SLC25A25: variants seen among roughly 807,000 people sequenced by gnomAD.
The protein encoded by SLC25A25 is mitochondrial adenyl nucleotide antiporter SLC25A25.
In SLC25A25, 32 loss-of-function variants were observed where a neutral mutation model predicts 57.7. The observed-to-expected ratio is 0.55, with a 90% confidence interval of 0.42 to 0.74. The LOEUF (loss-of-function observed/expected upper bound fraction) is 0.74, where lower values mean the gene tolerates loss of function less well. Among genes scored for constraint, SLC25A25 ranks in the 30% least tolerant of loss-of-function variants. The pLI, the probability that SLC25A25 is intolerant of heterozygous loss-of-function variation, is 0.00. For missense variants in SLC25A25, 556 were observed against 701.3 expected, an observed-to-expected ratio of 0.79 and a Z score of 2.34; for synonymous variants, 306 against 291.2, an observed-to-expected ratio of 1.05 and a Z score of -0.52.
At chr9:128,091,582 C>A in intron 1 of SLC25A25, 3 of 1,084,696 alleles carry the variant, frequency 2.8e-6, no homozygotes, top group Non-Finnish European at 2.2e-6. Context: ...CAAACGTTTG[C>A]TCACCATCAC....
Position 128,101,232 on chromosome 9 carries a change from G to A in SLC25A25, c.388+10G>A. On this transcript the variant is annotated intron_variant, in intron 2 of 10. Coordinates refer to ENST00000373069, the MANE Select transcript of SLC25A25 (RefSeq NM_001330988.2). The surrounding 1 kb of genome is among the most constrained non-coding windows in gnomAD (Gnocchi z 4.9). Reference sequence around the variant, plus strand: ...GACAAAAAGAATGATGGTAAGTGTTGCCTTCAGAGCTGTGGCCGGTCCAGC... The same window carrying A: ...GACAAAAAGAATGATGGTAAGTGTTACCTTCAGAGCTGTGGCCGGTCCAGC... The A allele has an allele frequency of 6.2e-7, 1 of 1,614,278 alleles. No individual in the cohort carries two copies.
intron 1 of SLC25A25, among the ~76,000 whole-genome samples, chr9:128,074,664 G>A (rs894766495): frequency 3.3e-5 from 5 of 151,990 alleles, no homozygotes; most frequent in African/African-American, 7.2e-5. Flanking sequence ...AGCTGAGATC[G>A]TGCCAACACG....
intron 1 of SLC25A25, among the ~76,000 whole-genome samples, chr9:128,085,553 TA>T (rs778113045): frequency 4.6e-5 from 7 of 152,206 alleles, no homozygotes; most frequent in Non-Finnish European, 8.8e-5. Context: ...GGTGCTGGTC[TA>T]GGGAAGTTTA....
At chr9:128,094,002 G>A (rs775003758) in intron 1 of SLC25A25, among the ~76,000 whole-genome samples, 7 of 152,146 alleles carry the variant, frequency 4.6e-5, no homozygotes, top group Non-Finnish European at 1.0e-4. Context: ...ACAAAAATTA[G>A]CTGGGCGTGG....
chr9:128,103,562 G>T lies in SLC25A25; in HGVS notation c.625-119G>T. 7.9e-7 allele frequency: 1 copy of T among 1,264,174 alleles called. No homozygotes were observed. The highest frequency in any genetic ancestry group is 1.1e-6 in the Non-Finnish European group (1 of 888,404). 78.3% of individuals were successfully genotyped at this position (1,264,174 alleles called of 1,614,324 possible). A position where few individuals can be genotyped will look rare whatever the true frequency, so the allele number is the denominator to read the frequency against. On this transcript the variant is annotated intron_variant, in intron 5 of 10. Transcript: ENST00000373069. The surrounding 1 kb of genome is among the most constrained non-coding windows in gnomAD (Gnocchi z 6.7). Reference sequence around the variant, plus strand: ...AGCCCGCTTCCCACCCAGAGTCCTTGGCCTTCTCCCTGTCCTGTGGTCCCT... The same window carrying T: ...AGCCCGCTTCCCACCCAGAGTCCTTTGCCTTCTCCCTGTCCTGTGGTCCCT...
chr9:128,089,494 T>C (rs935172806), intron 1 of SLC25A25, among the ~76,000 whole-genome samples: 5 of 152,160 alleles, frequency 3.3e-5, no homozygotes, highest in Admixed American at 6.6e-5. Flanking sequence ...CTCCAGTGAC[T>C]GTGCATTTAA....
intron 1 of SLC25A25, among the ~76,000 whole-genome samples, chr9:128,078,341 G>T (rs1161935265): frequency 6.6e-6 from 1 of 152,134 alleles, no homozygotes; most frequent in Non-Finnish European, 1.5e-5. Context: ...GGTGAAAAGC[G>T]AAAGGCAAGG....
chr9:128,074,154 C>T (rs1446592229), intron 1 of SLC25A25, among the ~76,000 whole-genome samples: 1 of 152,110 alleles, frequency 6.6e-6, no homozygotes, highest in Admixed American at 6.6e-5. Context: ...ATTCCCCTGC[C>T]TTAGCCTCCC....
At chr9:128,076,377 C>A (rs1348759432) in intron 1 of SLC25A25, among the ~76,000 whole-genome samples, 3 of 152,118 alleles carry the variant, frequency 2.0e-5, no homozygotes, top group Non-Finnish European at 4.4e-5. Context: ...GTGATCCTCT[C>A]GCCTTGGCCT....
chr9:128,101,938 TG>T lies in SLC25A25; in HGVS notation c.477-139del. 1 of 959,062 alleles carries T rather than the reference TG, an allele frequency of 1.0e-6. No homozygotes were observed. The highest frequency in any genetic ancestry group is 2.0e-5 in the Admixed American group (1 of 49,174). The allele number at this position is 959,062 out of a possible 1,614,324, so 59.4% of individuals were successfully genotyped here. A position where few individuals can be genotyped will look rare whatever the true frequency, so the allele number is the denominator to read the frequency against. On this transcript the variant is annotated intron_variant, in intron 3 of 10. Coordinates refer to ENST00000373069, the MANE Select transcript of SLC25A25 (RefSeq NM_001330988.2). The surrounding 1 kb of genome is among the most constrained non-coding windows in gnomAD (Gnocchi z 4.9). Reference sequence around the variant, plus strand: ...GGCTGGTCCTCGGGGACAGCAGCCCTGGGCTCAGCTGCTGTGGCGGGCTCGT... The same window carrying T: ...GGCTGGTCCTCGGGGACAGCAGCCCTGGCTCAGCTGCTGTGGCGGGCTCGT...
rs909598892 is a variant in SLC25A25, at chr9:128,107,914, C to T, written c.*470C>T. The T allele has an allele frequency of 1.8e-5, 7 of 399,644 alleles. No homozygotes were observed. Among genetic ancestry groups the T allele is most frequent in the Admixed American group, 1.3e-4 (3 of 22,898 alleles). 24.8% of individuals were successfully genotyped at this position (399,644 alleles called of 1,614,324 possible). A position where few individuals can be genotyped will look rare whatever the true frequency, so the allele number is the denominator to read the frequency against. ...GGCTACAGCCCACATCCCACCCCCT[C>T]GTCCAATCCCATAATCCATGATGAA... On this transcript the variant is annotated 3_prime_UTR_variant, in exon 11 of 11. Coordinates refer to ENST00000373069, the MANE Select transcript of SLC25A25 (RefSeq NM_001330988.2).
In SLC25A25 at chr9:128,106,350, C is replaced by T; in HGVS notation, c.1045-3C>T. 6.2e-7 allele frequency: 1 copy of T among 1,613,654 alleles called. No individual in the cohort carries two copies. Among genetic ancestry groups the T allele is most frequent in the African/African-American group, 1.3e-5 (1 of 75,042 alleles). Reference sequence around the variant, plus strand: ...CACGCGTCCCGCTGCTCCTGTTGTGCAGGTCCTGAAGACCCGGATGGCGCT... The same window carrying T: ...CACGCGTCCCGCTGCTCCTGTTGTGTAGGTCCTGAAGACCCGGATGGCGCT... On this transcript the variant is annotated splice_region_variant and splice_polypyrimidine_tract_variant and intron_variant, in intron 8 of 10. Coordinates refer to ENST00000373069, the MANE Select transcript of SLC25A25 (RefSeq NM_001330988.2).
intron 1 of SLC25A25, among the ~76,000 whole-genome samples, chr9:128,085,557 GAAGTTT>G (rs1163257332): frequency 1.3e-5 from 2 of 152,110 alleles, no homozygotes; most frequent in Non-Finnish European, 2.9e-5. Flanking sequence ...CTGGTCTAGG[GAAGTTT>G]AAGATAAATA....
Position 128,095,726 on chromosome 9 carries a change from C to T in SLC25A25, c.262-5370C>T, listed in dbSNP as rs1175560462. On this transcript the variant is annotated intron_variant, in intron 1 of 10. Coordinates refer to ENST00000373069, the MANE Select transcript of SLC25A25 (RefSeq NM_001330988.2). The surrounding 1 kb of genome is among the most constrained non-coding windows in gnomAD (Gnocchi z 4.4). ...TCGGGAGGCTGAGGCAGGAGAATCGCTTGAACCCAGGAGGTGGAGGTTGTA... is the reference window on the plus strand; with the variant it reads ...TCGGGAGGCTGAGGCAGGAGAATCGTTTGAACCCAGGAGGTGGAGGTTGTA... Among the ~76,000 whole-genome samples the T allele has an allele frequency of 6.6e-6, 1 of 152,182 alleles. No homozygotes were observed. The highest frequency in any genetic ancestry group is 1.5e-5 in the Non-Finnish European group (1 of 68,028).
At position 128,102,278 on chromosome 9, in the gene SLC25A25, C is replaced by T. The variant is rs901102397; in HGVS notation, c.513-92C>T. 15 of 1,435,428 alleles carry T rather than the reference C, an allele frequency of 1.0e-5. No individual in the cohort carries two copies. Among genetic ancestry groups the T allele is most frequent in the Middle Eastern group, 1.8e-4 (1 of 5,670 alleles). 88.9% of individuals were successfully genotyped at this position (1,435,428 alleles called of 1,614,324 possible). Reference sequence around the variant, plus strand: ...GCACCTCGTGTGGTTTCTGGGCATCCGAATGCCTGCCCTTGGCTCACTGGG... The same window carrying T: ...GCACCTCGTGTGGTTTCTGGGCATCTGAATGCCTGCCCTTGGCTCACTGGG... On this transcript the variant is annotated intron_variant, in intron 4 of 10. Transcript: ENST00000373069. This position sits in a 1 kb window ranked among gnomAD's most constrained non-coding sequence, Gnocchi z 4.1.
At chr9:128,105,689 G>GC (rs756328750) in intron 6 of SLC25A25, 40 bp from the exon 7 acceptor site, 121 of 1,611,174 alleles carry the variant, frequency 7.5e-5, no homozygotes, top group Non-Finnish European at 9.2e-5. Context: ...GCAGCCTGTG[G>GC]CCCCCCGGGT....
chr9:128,107,504 A>C lies in SLC25A25; in HGVS notation c.*60A>C. ...TCCTGGGCCGCAGCCTGGGGTGTGC[A>C]GCCATCTCATTCTGTGAATGTGCCA... On this transcript the variant is annotated 3_prime_UTR_variant, in exon 11 of 11. Transcript: ENST00000373069. The C allele has an allele frequency of 2.0e-6, 3 of 1,486,690 alleles. No individual in the cohort carries two copies. Among genetic ancestry groups the C allele is most frequent in the South Asian group, 2.8e-5 (2 of 70,580 alleles). The allele number at this position is 1,486,690 out of a possible 1,614,324, so 92.1% of individuals were successfully genotyped here. A position where few individuals can be genotyped will look rare whatever the true frequency, so the allele number is the denominator to read the frequency against.
chr9:128,078,395 C>G (rs999362659), intron 1 of SLC25A25, among the ~76,000 whole-genome samples: 1 of 72,298 alleles, frequency 1.4e-5, no homozygotes, highest in Admixed American at 1.5e-4. Flanking sequence ...GTGTGTGGCA[C>G]CCAGGGAGAC....
rs759422558 is a variant in SLC25A25 at position 128,102,063 on chromosome 9, CTT to C, written c.477-15_477-14del. On this transcript the variant is annotated splice_polypyrimidine_tract_variant and intron_variant, in intron 3 of 10. Transcript: ENST00000373069. The surrounding 1 kb of genome is among the most constrained non-coding windows in gnomAD (Gnocchi z 4.1). ...TTGTTTCTGCTCTCTCCTCCGCATCCTTTGTCTGTCTGTCAGAATACGAACGG... is the reference window on the plus strand; with the variant it reads ...TTGTTTCTGCTCTCTCCTCCGCATCCTGTCTGTCTGTCAGAATACGAACGG... 2.6e-6 allele frequency: 4 copies of C among 1,550,506 alleles called. No homozygotes were observed. The South Asian group carries it at 4.8e-5, about 18-fold the overall frequency.
Sources: gnomAD v4.1 joint callset for allele counts (sites outside exome capture counted in the v4.1 genomes callset) on GRCh38, gnomAD v4.1.1 for gene constraint, Gnocchi (gnomAD v3.1) non-coding constraint, MANE v1.5 for transcripts, NCBI Gene and HGNC (gene_info 2026-07-23, HGNC 2026-07-21) for gene names.